CNTN3: variants seen among roughly 807,000 people sequenced by gnomAD.
The protein encoded by CNTN3 is contactin-3.
CNTN3 carries 60 observed loss-of-function variants against 119.1 expected under a neutral mutation model. That is an observed-to-expected ratio of 0.50 (90% CI 0.41 to 0.62). The LOEUF (loss-of-function observed/expected upper bound fraction) is 0.62. Ranked by LOEUF, CNTN3 falls within the 20% of genes least tolerant of loss-of-function variation. CNTN3 has a pLI of 0.00. For missense variants in CNTN3, 1,101 were observed against 1,242.4 expected (o/e 0.89, Z 1.71); for synonymous variants, 450 against 438.7 (o/e 1.03, Z -0.32).
chr3:74,267,420 C>A (rs1559671483), intron 20 of CNTN3, 42 bp from the exon 21 acceptor site: 4 of 1,381,548 alleles, frequency 2.9e-6, no homozygotes, highest in Non-Finnish European at 4.1e-6. Flanking sequence ...GATCGAAGTA[C>A]AAGTGATATT....
intron 1 of CNTN3, among the ~76,000 whole-genome samples, chr3:74,605,259 C>A (rs1213066198): frequency 6.6e-6 from 1 of 151,926 alleles, no homozygotes; most frequent in Admixed American, 6.6e-5. Context: ...GCATTGTATT[C>A]TTGAAAATCA....
rs190542161 is a variant in CNTN3 at position 74,499,060 on chromosome 3, A to G, written c.182+599T>C. ...TTTTCTTAAGGTGGTGGGAGTATGG[A>G]TTTTTTTTTCTTTTTTCCTTATACT... On this transcript the variant is annotated intron_variant, in intron 3 of 22. Coordinates refer to ENST00000263665, the MANE Select transcript of CNTN3 (RefSeq NM_020872.3). Among the ~76,000 whole-genome samples, 11 of 82,458 alleles carry G rather than the reference A, an allele frequency of 1.3e-4. No homozygotes were observed. The Admixed American group carries it at 1.6e-3, about 12-fold the overall frequency. The allele number at this position is 82,458 out of a possible 152,430, so 54.1% of individuals were successfully genotyped here.
intron 5 of CNTN3, among the ~76,000 whole-genome samples, chr3:74,412,126 C>T (rs1326684800): frequency 6.6e-6 from 1 of 152,136 alleles, no homozygotes; most frequent in Non-Finnish European, 1.5e-5. Flanking sequence ...TGGAACTGAG[C>T]TTTAGCTGAC....
At chr3:74,557,137 G>A (rs1416868777) in intron 1 of CNTN3, among the ~76,000 whole-genome samples, 1 of 151,952 alleles carries the variant, frequency 6.6e-6, no homozygotes, top group Non-Finnish European at 1.5e-5. Flanking sequence ...TCCTAATTTT[G>A]ATGAAAATCT....
intron 5 of CNTN3, among the ~76,000 whole-genome samples, chr3:74,393,227 T>C (rs1456553176): frequency 6.6e-6 from 1 of 152,164 alleles, no homozygotes; most frequent in Non-Finnish European, 1.5e-5. Context: ...GAGATATTTT[T>C]TTTCTTAATA....
At position 74,424,920 on chromosome 3, in the gene CNTN3, T is replaced by G; in HGVS notation, c.379A>C (p.Lys127Gln). The change falls in exon 5 of 23, where the codon AAA becomes CAA. Residue 127 changes from lysine (K) to glutamine (Q), a missense_variant. Lys to Gln is a moderately conservative substitution (Grantham distance 53, BLOSUM62 1). Transcript: ENST00000263665. ...CGCACAGACACTGTACTCCTCATTT[T>G]GGTTTTAAAATTTTCAAGATCTGAT... Reference protein sequence around the residue: ...QFAYLENFKTKMRSTVSVREG... With the variant: ...QFAYLENFKTQMRSTVSVREG... 1.2e-6 allele frequency: 2 copies of G among 1,606,258 alleles called. No individual in the cohort carries two copies. The highest frequency in any genetic ancestry group is 1.7e-6 in the Non-Finnish European group (2 of 1,177,014).
intron 4 of CNTN3, among the ~76,000 whole-genome samples, chr3:74,480,147 T>C (rs944905303): frequency 2.6e-5 from 4 of 152,024 alleles, no homozygotes; most frequent in African/African-American, 9.7e-5. Context: ...TATTCAAATA[T>C]GAATCAACTG....
At chr3:74,597,715 C>T (rs765059657) in intron 1 of CNTN3, among the ~76,000 whole-genome samples, 1 of 151,884 alleles carries the variant, frequency 6.6e-6, no homozygotes, top group Non-Finnish European at 1.5e-5. Flanking sequence ...TGTTAAAAGC[C>T]GTCTTTGCAG....
chr3:74,349,867 T>C (rs1575743909), intron 11 of CNTN3, among the ~76,000 whole-genome samples: 2 of 152,282 alleles, frequency 1.3e-5, no homozygotes, highest in East Asian at 1.9e-4. Flanking sequence ...AATAAAACAT[T>C]TATACTGGGC....
rs71625983 is a variant in CNTN3, at chr3:74,574,925, C to CTT, written c.-81+39464_-81+39465dup. Among the ~76,000 whole-genome samples, 174 of 145,366 alleles carry CTT rather than the reference C, an allele frequency of 1.2e-3. 2 individuals carry two copies. The highest frequency in any genetic ancestry group is 0.011 in the East Asian group (54 of 4,876). ...CAAATGCTTTTCCCAGAAGCATTTT[C>CTT]TTTTTTTTTTTTTCTGGAGACAGGG... On this transcript the variant is annotated intron_variant, in intron 1 of 22. Coordinates refer to ENST00000263665, the MANE Select transcript of CNTN3 (RefSeq NM_020872.3).
At chr3:74,552,522 G>T (rs537594137) in intron 1 of CNTN3, among the ~76,000 whole-genome samples, 6 of 152,278 alleles carry the variant, frequency 3.9e-5, no homozygotes, top group African/African-American at 1.4e-4. Context: ...TCTTGCTGCT[G>T]TTTTAATTTG....
At chr3:74,502,650 G>A (rs1013856326) in intron 2 of CNTN3, among the ~76,000 whole-genome samples, 6 of 152,046 alleles carry the variant, frequency 3.9e-5, no homozygotes, top group Admixed American at 6.6e-5. Context: ...TCTCAGACAC[G>A]CTGAGCTTCG....
At chr3:74,353,956 A>C (rs545153293) in intron 11 of CNTN3, among the ~76,000 whole-genome samples, 3 of 151,314 alleles carry the variant, frequency 2.0e-5, no homozygotes, top group African/African-American at 4.9e-5. Context: ...CTCTACACCC[A>C]CTCCCAGCCT....
chr3:74,285,344 G>C lies in CNTN3; in HGVS notation c.2665C>G (p.Pro889Ala). 1 of 1,612,250 alleles carries C rather than the reference G, an allele frequency of 6.2e-7. No homozygotes were observed. Among genetic ancestry groups the C allele is most frequent in the South Asian group, 1.1e-5 (1 of 90,910 alleles). ...VRAYNSAGAG[P>A]FSATVNVTTK... ...GTTACATTAACTGTGGCGCTAAAAG[G>C]CCCAGCGCCGGCACTGTTGTAAGCC... Residue 889 changes from proline (P) to alanine (A), a missense_variant, in exon 20 of 23, where the codon CCT (proline) becomes GCT (alanine). By Grantham distance (27) the Pro-to-Ala change is conservative. Coordinates refer to ENST00000263665, the MANE Select transcript of CNTN3 (RefSeq NM_020872.3).
chr3:74,527,621 A>C (rs184087784), intron 1 of CNTN3, among the ~76,000 whole-genome samples: 14 of 152,064 alleles, frequency 9.2e-5, no homozygotes, highest in African/African-American at 2.9e-4. Context: ...ACAGTTACCT[A>C]ATCATGCCAA....
intron 5 of CNTN3, among the ~76,000 whole-genome samples, chr3:74,416,676 G>A (rs1701527721): frequency 6.6e-6 from 1 of 152,040 alleles, no homozygotes; most frequent in African/African-American, 2.4e-5. Flanking sequence ...TGTGAGCACA[G>A]GAAAATTTTC....
chr3:74,595,398 G>T (rs564484800), intron 1 of CNTN3, among the ~76,000 whole-genome samples: 211 of 151,974 alleles, frequency 1.4e-3, no homozygotes, highest in Middle Eastern at 6.8e-3. Flanking sequence ...TAATGCCTAG[G>T]TTTTCTTCTA....
chr3:74,460,032 G>T (rs909793180), intron 4 of CNTN3, among the ~76,000 whole-genome samples: 1 of 152,002 alleles, frequency 6.6e-6, no homozygotes, highest in Admixed American at 6.6e-5. Flanking sequence ...TTCCTCCAAT[G>T]AAATGTCTCT....
intron 1 of CNTN3, among the ~76,000 whole-genome samples, chr3:74,522,642 A>G (rs1352192099): frequency 6.6e-6 from 1 of 151,846 alleles, no homozygotes; most frequent in Non-Finnish European, 1.5e-5. Context: ...CTATAGAACC[A>G]ATGCCTAAGA....
Sources: allele counts gnomAD v4.1 joint callset (sites outside exome capture counted in the v4.1 genomes callset), GRCh38; gene constraint gnomAD v4.1.1; transcripts MANE v1.5; gene names NCBI Gene and HGNC (gene_info 2026-07-23, HGNC 2026-07-21).